Variants in CPLANE1 observed in about 807,000 individuals in gnomAD.
CPLANE1 encodes ciliogenesis and planar polarity effector 1.
CPLANE1 carries 263 observed loss-of-function variants against 362.5 expected under a neutral mutation model. The ratio of observed to expected loss-of-function variants is 0.73; its 90% confidence interval spans 0.66 to 0.80. The LOEUF (loss-of-function observed/expected upper bound fraction) is 0.80, where lower values mean the gene tolerates loss of function less well. Ranked by LOEUF, CPLANE1 falls within the 30% of genes least tolerant of loss-of-function variation. The probability of loss-of-function intolerance (pLI) is 0.00; values close to 1 mark genes in which losing one functional copy is unlikely to be tolerated. For missense variants in CPLANE1, 3,461 were observed against 3,793.4 expected, an observed-to-expected ratio of 0.91 and a Z score of 2.30; for synonymous variants, 1,212 against 1,302.6, an observed-to-expected ratio of 0.93 and a Z score of 1.50.
At chr5:37,099,658 G>A in the CPLANE1 span, among the ~76,000 whole-genome samples, 1 of 152,316 alleles carries the variant, frequency 6.6e-6, no homozygotes, top group East Asian at 1.9e-4. Context: ...TAAATAACCA[G>A]TAATGGGATT....
intron 46 of CPLANE1, among the ~76,000 whole-genome samples, chr5:37,136,804 T>A (rs530164355): frequency 1.4e-4 from 21 of 152,356 alleles, no homozygotes; most frequent in African/African-American, 5.1e-4. Flanking sequence ...CAGCCCAAGC[T>A]GTATCTTGGC....
chr5:37,077,400 G>A, the CPLANE1 span, among the ~76,000 whole-genome samples: 15 of 152,016 alleles, frequency 9.9e-5, no homozygotes, highest in East Asian at 7.7e-4. Flanking sequence ...ACCCTGTTAC[G>A]TCTGTTGCTG....
At chr5:37,211,198 C>A in intron 16 of CPLANE1, 1 of 1,415,838 alleles carries the variant, frequency 7.1e-7, no homozygotes, top group Non-Finnish European at 1.0e-6. Flanking sequence ...ACAAATTATC[C>A]AAATGCAGGG....
chr5:37,234,504 G>GA (rs559018471), intron 8 of CPLANE1, among the ~76,000 whole-genome samples: 5,149 of 119,268 alleles, frequency 0.043, 311 homozygotes, highest in African/African-American at 0.14. Flanking sequence ...ACAAAAATAA[G>GA]AAAAAAAAAA....
chr5:37,090,227 C>T, the CPLANE1 span, among the ~76,000 whole-genome samples: 3 of 152,166 alleles, frequency 2.0e-5, no homozygotes, highest in African/African-American at 4.8e-5. Flanking sequence ...CATTGATCCA[C>T]GTTATTCAAT....
chr5:37,209,672 A>C lies in CPLANE1; in HGVS notation c.2921-3247T>G, dbSNP rs770869001. ...TTCTAGAAAGTGGTTTGGCAAAAGAAAAGGTATTTACTATGCAGGATCTAT... is the reference window on the plus strand; with the variant it reads ...TTCTAGAAAGTGGTTTGGCAAAAGACAAGGTATTTACTATGCAGGATCTAT... On this transcript the variant is annotated intron_variant, in intron 16 of 52. Transcript: ENST00000651892. This position sits in a 1 kb window ranked among gnomAD's most constrained non-coding sequence, Gnocchi z 4.6. The C allele has an allele frequency of 5.7e-5, 76 of 1,342,230 alleles. 1 individual carries two copies. Among genetic ancestry groups the C allele is most frequent in the Non-Finnish European group, 7.7e-5 (72 of 934,884 alleles). 83.1% of individuals were successfully genotyped at this position (1,342,230 alleles called of 1,614,324 possible). A position where few individuals can be genotyped will look rare whatever the true frequency, so the allele number is the denominator to read the frequency against.
intron 2 of CPLANE1, 59 bp downstream of exon 2, chr5:37,247,558 AG>A: frequency 7.1e-7 from 1 of 1,415,536 alleles, no homozygotes; most frequent in Non-Finnish European, 9.6e-7. Flanking sequence ...CCTATATTAC[AG>A]GCAAAACACA....
intron 29 of CPLANE1, among the ~76,000 whole-genome samples, chr5:37,177,986 AT>A (rs1158834911): frequency 2.0e-5 from 3 of 152,196 alleles, no homozygotes; most frequent in African/African-American, 7.2e-5. Flanking sequence ...CTAACACTAT[AT>A]GATTATTCAT....
chr5:37,159,471 A>G (rs1776264891), intron 38 of CPLANE1, among the ~76,000 whole-genome samples: 1 of 152,230 alleles, frequency 6.6e-6, no homozygotes, highest in African/African-American at 2.4e-5. Flanking sequence ...CAGAGCCTAT[A>G]ATTAAATTTT....
intron 48 of CPLANE1, 33 bp from the exon 49 acceptor site, chr5:37,121,817 G>C (rs1464627478): frequency 1.9e-6 from 3 of 1,574,870 alleles, no homozygotes; most frequent in Admixed American, 1.7e-5. Context: ...CATTTATTAA[G>C]AGTCACTTTC....
chr5:37,113,922 C>G (rs575585191), intron 51 of CPLANE1, among the ~76,000 whole-genome samples: 1 of 152,270 alleles, frequency 6.6e-6, no homozygotes, highest in South Asian at 2.1e-4. Context: ...AAGTGATTCT[C>G]CTGCCTCAGC....
chr5:37,167,156 G>T lies in CPLANE1; in HGVS notation c.7291C>A (p.Gln2431Lys). 6.2e-6 allele frequency: 10 copies of T among 1,613,336 alleles called. No individual in the cohort carries two copies. The highest frequency in any genetic ancestry group is 7.6e-6 in the Non-Finnish European group (9 of 1,179,722). ...ENLIAFKQSQ[Q>K]KLTHNLFEQG... ...TCAAATAAATTATGTGTTAGTTTCTGTTGGCTTTGTTTAAACGCAATGAGG... is the reference window on the plus strand; with the variant it reads ...TCAAATAAATTATGTGTTAGTTTCTTTTGGCTTTGTTTAAACGCAATGAGG... Residue 2431 changes from glutamine to lysine, a missense_variant, in exon 35 of 53, where the codon CAG becomes AAG. By Grantham distance (53) the Gln-to-Lys change is moderately conservative. Transcript: ENST00000651892.
chr5:37,186,777 T>C (rs1031140008), intron 23 of CPLANE1, among the ~76,000 whole-genome samples: 1 of 152,106 alleles, frequency 6.6e-6, no homozygotes, highest in African/African-American at 2.4e-5. Flanking sequence ...GTAGTCACTA[T>C]AGCCCGGCGC....
At chr5:37,113,711 A>C (rs1283399270) in intron 51 of CPLANE1, among the ~76,000 whole-genome samples, 1 of 152,266 alleles carries the variant, frequency 6.6e-6, no homozygotes, top group Non-Finnish European at 1.5e-5. Flanking sequence ...GGATCTACAA[A>C]GTAATGAGTT....
rs759378976 is a variant in CPLANE1 at position 37,122,466 on chromosome 5, A to G, written c.8981T>C (p.Ile2994Thr). Residue 2994 changes from isoleucine to threonine, a missense_variant, in exon 48 of 53, where the codon ATA becomes ACA. Ile to Thr is a moderately conservative substitution (Grantham distance 89, BLOSUM62 -1). Around this residue, in one of 2 missense-constraint regions of CPLANE1, gnomAD observed 3,380 missense variants for 3,666.1 expected, o/e 0.92. Transcript: ENST00000651892. ...ATGCTTCATCTTTTGTCTCAGCCTT[A>G]TTTCCCTTGAAGTCATGTAAAGCTG... is the stretch of plus-strand genomic sequence containing the variant. ...SNPLYMTSRE[I>T]RLRQKMKHEK... 3.1e-6 allele frequency: 5 copies of G among 1,612,860 alleles called. No individual in the cohort carries two copies. Among genetic ancestry groups the G allele is most frequent in the Non-Finnish European group, 4.2e-6 (5 of 1,179,654 alleles).
Position 37,206,261 on chromosome 5 carries a change from TCC to T in CPLANE1, c.3083_3084del (p.Trp1028Ter), listed in dbSNP as rs1790707458. Reference protein sequence around the residue: ...AVWLAYKLGDWKTSVSIGVAF... With the variant: ...AVWLAYKLGDXKTSVSIGVAF... ...GCCACACCAATTGAAACAGACGTCT[TCC>T]AGTCTCCAAGTTTATATGCCAACCA... is the stretch of plus-strand genomic sequence containing the variant. On this transcript the variant is annotated frameshift_variant, in exon 17 of 53. Transcript: ENST00000651892. 1.3e-6 allele frequency: 2 copies of T among 1,551,740 alleles called. No homozygotes were observed. Among genetic ancestry groups the T allele is most frequent in the East Asian group, 4.9e-5 (2 of 40,920 alleles).
intron 37 of CPLANE1, 188 bp from the exon 38 acceptor site, chr5:37,162,754 A>C: frequency 2.6e-6 from 1 of 381,638 alleles, no homozygotes; most frequent in Non-Finnish European, 4.7e-6. Flanking sequence ...ATCTCGGCTT[A>C]CTGCAACTTC....
In CPLANE1 at chr5:37,243,094, G is replaced by A; in HGVS notation, c.596C>T (p.Ser199Leu). The stretch of plus-strand genomic sequence containing the variant: ...GCATTCCCCAGAATAAAAAGTAAAT[G>A]AACACAGGCAGCAGTCTCCAAATAA... ...NELFGDCCLC[S>L]FTFYSGECLK... Residue 199 changes from serine to leucine, a missense_variant, in exon 6 of 53, where the codon TCA becomes TTA. Transcript: ENST00000651892. 1 of 1,544,808 alleles carries A rather than the reference G, an allele frequency of 6.5e-7. No homozygotes were observed. The highest frequency in any genetic ancestry group is 1.4e-5 in the African/African-American group (1 of 72,796).
At chr5:37,139,222 T>C (rs745932225) in intron 45 of CPLANE1, 118 bp downstream of exon 45, 120 of 1,006,922 alleles carry the variant, frequency 1.2e-4, no homozygotes, top group Non-Finnish European at 1.6e-4. Flanking sequence ...TGAAAACTTA[T>C]ATTCCTTTAA....
Sources: gnomAD v4.1 joint callset for allele counts (sites outside exome capture counted in the v4.1 genomes callset) on GRCh38, gnomAD v4.1.1 for gene constraint, gnomAD v4.1.1 regional missense constraint, Gnocchi (gnomAD v3.1) non-coding constraint, MANE v1.5 for transcripts, NCBI Gene and HGNC (gene_info 2026-07-23, HGNC 2026-07-21) for gene names.